ZFYVE16: variants seen among roughly 807,000 people sequenced by gnomAD.
ZFYVE16 encodes zinc finger FYVE domain-containing protein 16.
ZFYVE16 carries 89 observed loss-of-function variants against 138.1 expected under a neutral mutation model. The observed-to-expected ratio is 0.64, with a 90% CI of 0.54 to 0.77. The LOEUF is 0.77. Among genes scored for constraint, ZFYVE16 ranks in the 30% least tolerant of loss-of-function variants. ZFYVE16 has a pLI of 0.00. For missense variants in ZFYVE16, 1,793 were observed against 1,786.7 expected, an observed-to-expected ratio of 1.00 and a Z score of -0.06; for synonymous variants, 596 against 618.3, an observed-to-expected ratio of 0.96 and a Z score of 0.53.
intron 1 of ZFYVE16, among the ~76,000 whole-genome samples, chr5:80,414,127 G>C (rs921579299): frequency 6.6e-6 from 1 of 152,026 alleles, no homozygotes; most frequent in African/African-American, 2.4e-5. Flanking sequence ...TTTTGTACAT[G>C]TACCTTTTAT....
Position 80,472,858 on chromosome 5 carries a change from T to G in ZFYVE16, c.4122T>G (p.Asp1374Glu). The change falls in exon 16 of 19, where the codon GAT becomes GAG. Residue 1374 changes from aspartate (D) to glutamate (E), a missense_variant. This residue lies in a region of ZFYVE16 where 498 missense variants were observed against 582.4 expected (regional missense o/e 0.86). Transcript: ENST00000505560. ...TTAAAATTACATGTGGGAAAGTTGA[T>G]GCAGTAGACCTGAGAGAATACGTGG... is the stretch of plus-strand genomic sequence containing the variant. The part of the protein sequence containing the change: ...KDFKITCGKV[D>E]AVDLREYVDI... 1 of 1,614,040 alleles carries G rather than the reference T, an allele frequency of 6.2e-7. No homozygotes were observed.
At position 80,465,979 on chromosome 5, in the gene ZFYVE16, G is replaced by A. The variant is rs546549830; in HGVS notation, c.4024+6485G>A. 5.3e-5 allele frequency among the ~76,000 whole-genome samples: 8 copies of A among 151,054 alleles called. No homozygotes were observed. The South Asian group carries it at 1.7e-3, about 32-fold the overall frequency. On this transcript the variant is annotated intron_variant, in intron 15 of 18. Transcript: ENST00000505560. ...TCCCAGTTATTGCCCAAGCTTGAGT[G>A]CAATGGCGTGATCCTGACTTACTGC...
At chr5:80,472,629 A>G (rs1754497099) in intron 15 of ZFYVE16, 132 bp from the exon 16 acceptor site, 2 of 947,582 alleles carry the variant, frequency 2.1e-6, no homozygotes, top group Admixed American at 5.6e-5. Flanking sequence ...GTGGAAAACA[A>G]CCATTAAGAT....
rs565263022 is a variant in ZFYVE16, at chr5:80,458,523, T to C, written c.3944-891T>C. The stretch of plus-strand genomic sequence containing the variant: ...TTTTTTTGTTGTTGTTAACACACTT[T>C]GGAGATTATTCTATGTTTGTGTATA... On this transcript the variant is annotated intron_variant, in intron 14 of 18. Coordinates refer to ENST00000505560, the MANE Select transcript of ZFYVE16 (RefSeq NM_001284236.3). 2.2e-4 allele frequency among the ~76,000 whole-genome samples: 34 copies of C among 152,328 alleles called. No individual in the cohort carries two copies. In the South Asian group the frequency reaches 4.8e-3, roughly 21 times the overall value.
intron 15 of ZFYVE16, among the ~76,000 whole-genome samples, chr5:80,465,632 C>A (rs1753671873): frequency 6.6e-6 from 1 of 151,826 alleles, no homozygotes; most frequent in South Asian, 2.1e-4. Flanking sequence ...TGGTCTGAAA[C>A]TCCTGGGCTC....
chr5:80,481,404 A>G lies in ZFYVE16; in HGVS notation c.*4027A>G, dbSNP rs1755265452. Reference sequence around the variant, plus strand: ...ATCTCACAAGCTGTGTATGTGTGAAACTAACCAGAAGCAGCTGAGCAAAGG... The same window carrying G: ...ATCTCACAAGCTGTGTATGTGTGAAGCTAACCAGAAGCAGCTGAGCAAAGG... On this transcript the variant is annotated 3_prime_UTR_variant, in exon 19 of 19. Transcript: ENST00000505560. Among the ~76,000 whole-genome samples the G allele has an allele frequency of 6.6e-6, 1 of 152,210 alleles. No homozygotes were observed. The highest frequency in any genetic ancestry group is 6.5e-5 in the Admixed American group (1 of 15,276).
chr5:80,426,270 GTGTATATATA>G (rs67595633), intron 1 of ZFYVE16, among the ~76,000 whole-genome samples: 14,950 of 94,724 alleles, frequency 0.16, 915 homozygotes, highest in Middle Eastern at 0.27. Flanking sequence ...GTGTGTGTGT[GTGTATATATA>G]TATATATATA....
chr5:80,463,242 TC>T (rs914881672), intron 15 of ZFYVE16, among the ~76,000 whole-genome samples: 13 of 152,198 alleles, frequency 8.5e-5, no homozygotes, highest in African/African-American at 3.1e-4. Context: ...TGCCTGGACA[TC>T]CAGGCATTTC....
chr5:80,450,291 A>T, intron 9 of ZFYVE16, 140 bp from the exon 10 acceptor site: 1 of 742,116 alleles, frequency 1.3e-6, no homozygotes, highest in Non-Finnish European at 2.2e-6. Context: ...AATCTTATAC[A>T]ATTCAATTTA....
intron 14 of ZFYVE16, among the ~76,000 whole-genome samples, chr5:80,458,107 T>A (rs921591334): frequency 6.6e-5 from 10 of 151,960 alleles, no homozygotes; most frequent in Middle Eastern, 3.4e-3. Flanking sequence ...TTTTACTGTA[T>A]TTCCTTCTTA....
At chr5:80,435,935 T>C (rs536896907) in intron 3 of ZFYVE16, 1 of 195,346 alleles carries the variant, frequency 5.1e-6, no homozygotes, top group South Asian at 6.1e-5. Flanking sequence ...CATTCAAAAG[T>C]AAAATCCAGG....
chr5:80,455,715 A>G lies in ZFYVE16; in HGVS notation c.3631A>G (p.Ile1211Val). Reference protein sequence around the residue: ...YKAYPAPLTSIRGRKPLFGEI... With the variant: ...YKAYPAPLTSVRGRKPLFGEI... ...AGCATATCCTGCTCCTCTAACAAGC[A>G]TCAGAGGCCGAAAACCTCTTTTTGG... The change falls in exon 12 of 19, where the codon ATC becomes GTC. Residue 1211 changes from isoleucine to valine, a missense_variant. This residue lies in a region of ZFYVE16 where 498 missense variants were observed against 582.4 expected (regional missense o/e 0.86). Transcript: ENST00000505560. 1 of 1,599,158 alleles carries G rather than the reference A, an allele frequency of 6.3e-7. No individual in the cohort carries two copies. The highest frequency in any genetic ancestry group is 1.1e-5 in the South Asian group (1 of 87,368).
chr5:80,443,425 A>C, intron 6 of ZFYVE16, 141 bp downstream of exon 6: 1 of 1,039,844 alleles, frequency 9.6e-7, no homozygotes, highest in Non-Finnish European at 1.4e-6. Context: ...TTACACATGC[A>C]GGCTGGAAGA....
intron 1 of ZFYVE16, among the ~76,000 whole-genome samples, chr5:80,425,297 C>A (rs1001191740): frequency 2.0e-5 from 3 of 152,114 alleles, no homozygotes; most frequent in Non-Finnish European, 4.4e-5. Context: ...CTCTCTTAAG[C>A]TCTGCCTAAT....
chr5:80,466,992 G>T (rs2112525692), intron 15 of ZFYVE16, among the ~76,000 whole-genome samples: 1 of 152,210 alleles, frequency 6.6e-6, no homozygotes, highest in South Asian at 2.1e-4. Flanking sequence ...GGCAGTAAGG[G>T]GTTGGAGCTC....
At chr5:80,417,563 A>G (rs775664543) in intron 1 of ZFYVE16, among the ~76,000 whole-genome samples, 2 of 152,174 alleles carry the variant, frequency 1.3e-5, no homozygotes, top group South Asian at 4.1e-4. Context: ...CTTTTCTAGA[A>G]TGTTACATAA....
rs769241628 is a variant in ZFYVE16 at position 80,436,772 on chromosome 5, C to T, written c.87C>T (p.Leu29=). ...FEQNPDEQDY[L]QDVQNAYDSN... is the part of the protein sequence containing the mutation. The stretch of plus-strand genomic sequence containing the variant: ...CTATTTCAGATGAACAAGATTATCT[C>T]CAAGATGTACAAAATGCATATGATT... The change falls in exon 4 of 19, where the codon CTC becomes CTT. Residue 29 remains leucine (L), a synonymous_variant. Coordinates refer to ENST00000505560, the MANE Select transcript of ZFYVE16 (RefSeq NM_001284236.3). 1 of 1,611,292 alleles carries T rather than the reference C, an allele frequency of 6.2e-7. No individual in the cohort carries two copies. The highest frequency in any genetic ancestry group is 1.1e-5 in the South Asian group (1 of 90,824).
At position 80,448,175 on chromosome 5, in the gene ZFYVE16, G is replaced by A. The variant is rs1377649792; in HGVS notation, c.2874G>A (p.Gly958=). 3.1e-6 allele frequency: 5 copies of A among 1,613,900 alleles called. No individual in the cohort carries two copies. In the South Asian group the frequency reaches 5.5e-5, roughly 18 times the overall value. ...EKLSMNTGNE[G]LPTSGSFTLD... ...TGTCTATGAACACAGGAAATGAGGG[G>A]TTACCTACTTCTGGTTCATTTACAC... The change falls in exon 8 of 19, where the codon GGG becomes GGA. Residue 958 remains glycine, a synonymous_variant. Transcript: ENST00000505560.
rs1755128440 is a variant in ZFYVE16 at position 80,478,780 on chromosome 5, A to G, written c.*1403A>G. On this transcript the variant is annotated 3_prime_UTR_variant, in exon 19 of 19. Transcript: ENST00000505560. ...TAATCAGTTTGGGCATATAGTTTGG[A>G]CTGAATCACATCTGTAGTACTTAGC... 1 of 152,120 alleles carries G rather than the reference A, an allele frequency of 6.6e-6. No homozygotes were observed. The highest frequency in any genetic ancestry group is 1.5e-5 in the Non-Finnish European group (1 of 67,984). 9.4% of individuals were successfully genotyped at this position (152,120 alleles called of 1,614,324 possible). A position where few individuals can be genotyped will look rare whatever the true frequency, so the allele number is the denominator to read the frequency against.
Sources: allele counts gnomAD v4.1 joint callset (sites outside exome capture counted in the v4.1 genomes callset), GRCh38; gene constraint gnomAD v4.1.1; regional missense constraint gnomAD v4.1.1; transcripts MANE v1.5; gene names NCBI Gene and HGNC (gene_info 2026-07-23, HGNC 2026-07-21).